SUPT3H: variants seen among roughly 807,000 people sequenced by gnomAD.
SUPT3H encodes transcription initiation protein SPT3 homolog.
In SUPT3H, 44 loss-of-function variants were observed where a neutral mutation model predicts 44.3. That is an observed-to-expected ratio of 0.99 (90% CI 0.78 to 1.28). SUPT3H has a LOEUF of 1.28. Among genes scored for constraint, SUPT3H ranks in the 50% most tolerant of loss-of-function variants. The probability of loss-of-function intolerance (pLI) is 0.00; values close to 1 mark genes in which losing one functional copy is unlikely to be tolerated. For missense variants in SUPT3H, 380 were observed against 387.1 expected, an observed-to-expected ratio of 0.98 and a Z score of 0.15; for synonymous variants, 124 against 125.6, an observed-to-expected ratio of 0.99 and a Z score of 0.09.
At chr6:45,283,626 C>T (rs923312265) in intron 2 of SUPT3H, among the ~76,000 whole-genome samples, 1 of 152,052 alleles carries the variant, frequency 6.6e-6, no homozygotes, top group East Asian at 1.9e-4. Context: ...GACTCCCACA[C>T]GATAATAATG....
At chr6:45,228,033 G>C (rs1442823221) in intron 2 of SUPT3H, among the ~76,000 whole-genome samples, 2 of 151,716 alleles carry the variant, frequency 1.3e-5, no homozygotes, top group East Asian at 3.9e-4. Flanking sequence ...AAAACATACA[G>C]AGCAATGCTA....
At chr6:45,201,721 A>G (rs555979670) in intron 2 of SUPT3H, among the ~76,000 whole-genome samples, 77 of 151,998 alleles carry the variant, frequency 5.1e-4, no homozygotes, top group African/African-American at 1.8e-3. Context: ...CTAATCCAAC[A>G]GTCATGGACG....
chr6:44,927,635 C>T (rs1769724452), intron 10 of SUPT3H, among the ~76,000 whole-genome samples: 1 of 152,072 alleles, frequency 6.6e-6, no homozygotes, highest in South Asian at 2.1e-4. Flanking sequence ...TAAGTATGTA[C>T]ACTCAGTTGC....
At chr6:44,950,486 C>T (rs1774109691) in intron 9 of SUPT3H, among the ~76,000 whole-genome samples, 1 of 152,152 alleles carries the variant, frequency 6.6e-6, no homozygotes, top group Admixed American at 6.5e-5. Context: ...TAGTGGTGTG[C>T]CTGTAGTCCC....
chr6:44,885,510 T>C (rs1762114730), intron 10 of SUPT3H, among the ~76,000 whole-genome samples: 1 of 152,226 alleles, frequency 6.6e-6, no homozygotes, highest in Non-Finnish European at 1.5e-5. Context: ...AAACAGTGAC[T>C]GGAGTGGACC....
chr6:44,940,138 T>C (rs557854581), intron 9 of SUPT3H, among the ~76,000 whole-genome samples: 1 of 152,176 alleles, frequency 6.6e-6, no homozygotes, highest in Non-Finnish European at 1.5e-5. Flanking sequence ...GAATGATAGG[T>C]CATCAATTTG....
chr6:45,224,925 C>A (rs1034603196), intron 2 of SUPT3H, among the ~76,000 whole-genome samples: 1 of 152,022 alleles, frequency 6.6e-6, no homozygotes, highest in African/African-American at 2.4e-5. Context: ...TAAAAGTTAT[C>A]ATTATGTGTA....
intron 3 of SUPT3H, among the ~76,000 whole-genome samples, chr6:45,037,596 G>A (rs1219199668): frequency 6.6e-6 from 1 of 151,718 alleles, no homozygotes; most frequent in Non-Finnish European, 1.5e-5. Flanking sequence ...CCCGGGAAGT[G>A]GAGGTTGCAA....
chr6:44,824,029 T>C (rs1334009100), downstream of SUPT3H, among the ~76,000 whole-genome samples: 5 of 152,154 alleles, frequency 3.3e-5, no homozygotes, highest in Non-Finnish European at 7.4e-5. Flanking sequence ...CTCCATGACA[T>C]GGTAACCCCC....
chr6:45,223,605 T>C (rs943312502), intron 2 of SUPT3H, among the ~76,000 whole-genome samples: 3 of 151,974 alleles, frequency 2.0e-5, no homozygotes, highest in Non-Finnish European at 4.4e-5. Context: ...TTTTTCTTAA[T>C]CTGATATATA....
intron 10 of SUPT3H, among the ~76,000 whole-genome samples, chr6:44,905,829 G>A (rs541523775): frequency 6.6e-6 from 1 of 152,296 alleles, no homozygotes; most frequent in African/African-American, 2.4e-5. Flanking sequence ...ATACACCACG[G>A]AATACTATGC....
At chr6:45,211,212 T>A (rs1398602588) in intron 2 of SUPT3H, among the ~76,000 whole-genome samples, 2 of 152,154 alleles carry the variant, frequency 1.3e-5, no homozygotes, top group African/African-American at 4.8e-5. Flanking sequence ...AAAATCTAAT[T>A]TTTATAAATG....
chr6:45,155,434 C>T (rs561289470), intron 2 of SUPT3H, among the ~76,000 whole-genome samples: 5 of 152,190 alleles, frequency 3.3e-5, no homozygotes, highest in South Asian at 2.1e-4. Flanking sequence ...GCAGCAGTGA[C>T]GGTCAAAGAA....
chr6:44,937,681 T>G (rs1771685253), intron 9 of SUPT3H, among the ~76,000 whole-genome samples: 1 of 152,152 alleles, frequency 6.6e-6, no homozygotes, highest in African/African-American at 2.4e-5. Context: ...TGATTAGTGA[T>G]GTTGAGCATT....
At chr6:45,207,918 G>A (rs1262891263) in intron 2 of SUPT3H, among the ~76,000 whole-genome samples, 4 of 152,130 alleles carry the variant, frequency 2.6e-5, no homozygotes, top group Non-Finnish European at 5.9e-5. Flanking sequence ...AACTGTTCCA[G>A]TGAAAGTTAA....
chr6:45,093,540 T>C (rs1797411159), intron 3 of SUPT3H, among the ~76,000 whole-genome samples: 1 of 152,012 alleles, frequency 6.6e-6, no homozygotes, highest in Non-Finnish European at 1.5e-5. Context: ...TTTTAAACAA[T>C]CTCTTAGTTC....
At chr6:45,033,640 T>C (rs1787277218) in intron 3 of SUPT3H, among the ~76,000 whole-genome samples, 1 of 152,166 alleles carries the variant, frequency 6.6e-6, no homozygotes, top group Admixed American at 6.5e-5. Flanking sequence ...AACTGCAAGA[T>C]AGGTATCATA....
At chr6:44,813,800 T>C (rs1766714468) in intron 11 of SUPT3H, among the ~76,000 whole-genome samples, 2 of 151,602 alleles carry the variant, frequency 1.3e-5, no homozygotes. Flanking sequence ...ATATTCATAT[T>C]GAAGCAGAGA....
intron 9 of SUPT3H, among the ~76,000 whole-genome samples, chr6:44,948,796 C>G (rs543074368): frequency 6.6e-6 from 1 of 152,078 alleles, no homozygotes; most frequent in Non-Finnish European, 1.5e-5. Flanking sequence ...GCTGGTGGGA[C>G]TGTAAACTAG....
Sources: allele counts gnomAD v4.1 joint callset (sites outside exome capture counted in the v4.1 genomes callset), GRCh38; gene constraint gnomAD v4.1.1; transcripts MANE v1.5; gene names NCBI Gene and HGNC (gene_info 2026-07-23, HGNC 2026-07-21).